Variants in CACNA1C observed in about 807,000 individuals in gnomAD.
CACNA1C encodes the protein calcium voltage-gated channel subunit alpha1 C, also known as voltage-dependent L-type calcium channel subunit alpha-1C.
Under a neutral mutation model 229.0 loss-of-function variants are expected in CACNA1C, and 30 were observed. The ratio of observed to expected loss-of-function variants is 0.13; its 90% CI spans 0.10 to 0.18. The LOEUF is 0.18. Among genes scored for constraint, CACNA1C ranks in the 10% least tolerant of loss-of-function variants. The probability of loss-of-function intolerance (pLI) is 1.00; values close to 1 mark genes in which losing one functional copy is unlikely to be tolerated. For synonymous variants in CACNA1C, 1,114 were observed against 1,132.5 expected (o/e 0.98, Z 0.33); for missense variants, 1,658 against 2,845.0 (o/e 0.58, Z 9.49).
rs1312926276 is a variant in CACNA1C at position 2,275,834 on chromosome 12, T to C, written c.477+155404T>C. Among the ~76,000 whole-genome samples, 13 of 150,652 alleles carry C rather than the reference T, an allele frequency of 8.6e-5. No homozygotes were observed. Among genetic ancestry groups the C allele is most frequent in the South Asian group, 2.1e-4 (1 of 4,818 alleles). The stretch of plus-strand genomic sequence containing the variant: ...TCAGCAGCAGGCCCCCTCTGTTCTT[T>C]GGTGAAGCTTGTCTGCAGCGAGCCC... On this transcript the variant is annotated intron_variant, in intron 3 of 46. Transcript: ENST00000399655. The surrounding 1 kb of genome is among the most constrained non-coding windows in gnomAD (Gnocchi z 4.1).
intron 3 of CACNA1C, among the ~76,000 whole-genome samples, chr12:2,170,064 C>A (rs1053289739): frequency 3.2e-4 from 49 of 152,310 alleles, no homozygotes; most frequent in African/African-American, 1.2e-3. Context: ...TTTTCCACTC[C>A]TTTATCCCCA....
intron 3 of CACNA1C, among the ~76,000 whole-genome samples, chr12:2,176,086 G>C (rs527306807): frequency 6.6e-6 from 1 of 152,256 alleles, no homozygotes; most frequent in Admixed American, 6.5e-5. Context: ...AGCAAAGCAG[G>C]ACAGGGACAT....
rs2058961591 is a variant in CACNA1C, at chr12:2,065,417, T to TC, written c.49+11808dup. ...GAAAACAATTCTAAATAGTTTTTTTTCCTCCAGAATAGGAATGGTTAGTCA... is the reference window on the plus strand; with the variant it reads ...GAAAACAATTCTAAATAGTTTTTTTTCCCTCCAGAATAGGAATGGTTAGTCA... On this transcript the variant is annotated intron_variant, in intron 1 of 46. Transcript: ENST00000399655. Among the ~76,000 whole-genome samples, 3 of 152,214 alleles carry TC rather than the reference T, an allele frequency of 2.0e-5. No homozygotes were observed. In the South Asian group the frequency reaches 6.2e-4, roughly 32 times the overall value.
chr12:2,584,620 A>T lies in CACNA1C; in HGVS notation c.2339+3A>T. ...AAGGAGAGAAAGAAGCTGGCCAGGT[A>T]ACCCTCTAAGCTTGCCCAGGCCTGG... On this transcript the variant is annotated splice_donor_region_variant and intron_variant, in intron 16 of 46. Transcript: ENST00000399655. The T allele has an allele frequency of 7.5e-6, 12 of 1,602,756 alleles. No individual in the cohort carries two copies. Among genetic ancestry groups the T allele is most frequent in the Non-Finnish European group, 1.0e-5 (12 of 1,170,482 alleles).
At chr12:2,017,256 G>A (rs1313004787) in intron 1 of CACNA1C, among the ~76,000 whole-genome samples, 1 of 152,158 alleles carries the variant, frequency 6.6e-6, no homozygotes, top group East Asian at 1.9e-4. Flanking sequence ...CCTGGCACAC[G>A]GGTGGAAAAA....
intron 3 of CACNA1C, among the ~76,000 whole-genome samples, chr12:2,183,113 T>C (rs1260170011): frequency 6.6e-6 from 1 of 152,130 alleles, no homozygotes; most frequent in Non-Finnish European, 1.5e-5. Context: ...CCTCAAACAA[T>C]CCTCCCATCT....
At chr12:2,616,714 T>C (rs577935207) in intron 29 of CACNA1C, among the ~76,000 whole-genome samples, 5 of 152,332 alleles carry the variant, frequency 3.3e-5, no homozygotes, top group Admixed American at 3.3e-4. Context: ...GTGACAGAAA[T>C]CTAACAGCCG....
intron 9 of CACNA1C, among the ~76,000 whole-genome samples, chr12:2,548,386 G>T (rs541688660): frequency 1.5e-3 from 219 of 149,936 alleles, no homozygotes; most frequent in African/African-American, 4.1e-3. Flanking sequence ...AGACTGGGGC[G>T]CTCAAGATGA....
chr12:1,996,662 ACT>A (rs2040993071), intron 1 of CACNA1C, among the ~76,000 whole-genome samples: 1 of 104,034 alleles, frequency 9.6e-6, no homozygotes, highest in African/African-American at 4.1e-5. Flanking sequence ...AAAACAACAA[ACT>A]CTTCTAATGT....
At chr12:2,510,685 A>G (rs1001377306) in intron 8 of CACNA1C, among the ~76,000 whole-genome samples, 2 of 152,012 alleles carry the variant, frequency 1.3e-5, no homozygotes, top group East Asian at 1.9e-4. Flanking sequence ...CAGAACTTGA[A>G]CCCTCTGCAA....
rs1298883065 is a variant in CACNA1C, at chr12:2,512,587, A to G, written c.1218-225A>G. Among the ~76,000 whole-genome samples the G allele has an allele frequency of 6.6e-6, 1 of 152,170 alleles. No individual in the cohort carries two copies. The highest frequency in any genetic ancestry group is 6.5e-5 in the Admixed American group (1 of 15,288). ...AAGCCTCTCCTGGCCAGTGTCAGGA[A>G]TGTCCCCTTACTGACGCTTCCCATC... On this transcript the variant is annotated intron_variant, in intron 8 of 46. Coordinates refer to ENST00000399655, the MANE Select transcript of CACNA1C (RefSeq NM_000719.7). This position sits in a 1 kb window ranked among gnomAD's most constrained non-coding sequence, Gnocchi z 4.3.
intron 3 of CACNA1C, among the ~76,000 whole-genome samples, chr12:2,264,719 TG>T (rs2081655979): frequency 6.6e-6 from 1 of 152,240 alleles, no homozygotes. Context: ...ATCTGCCCAC[TG>T]GCTGATGAAA....
At chr12:2,598,024 GTCACAGTGA>G (rs2069373732) in intron 21 of CACNA1C, among the ~76,000 whole-genome samples, 1 of 152,230 alleles carries the variant, frequency 6.6e-6, no homozygotes, top group East Asian at 1.9e-4. Context: ...TTGGGGCTGT[GTCACAGTGA>G]TCACAGGCCT....
chr12:2,498,396 G>C (rs1002454216), intron 7 of CACNA1C, among the ~76,000 whole-genome samples: 4 of 152,182 alleles, frequency 2.6e-5, no homozygotes, highest in African/African-American at 4.8e-5. Flanking sequence ...ACAGTAAACT[G>C]GCTGTTCAGA....
intron 28 of CACNA1C, 109 bp downstream of exon 28, chr12:2,610,808 C>T (rs1333926054): frequency 6.5e-6 from 7 of 1,073,658 alleles, no homozygotes; most frequent in Admixed American, 4.0e-5. Context: ...TCCTGGTCAC[C>T]AAGGGAGGCA....
intron 3 of CACNA1C, among the ~76,000 whole-genome samples, chr12:2,329,540 GCACATGC>G (rs1314555078): frequency 6.6e-6 from 1 of 152,102 alleles, no homozygotes; most frequent in Non-Finnish European, 1.5e-5. Context: ...ATCCTATTCT[GCACATGC>G]CACATGCTCT....
intron 30 of CACNA1C, among the ~76,000 whole-genome samples, chr12:2,648,086 T>G (rs1268941666): frequency 1.3e-5 from 2 of 152,146 alleles, no homozygotes; most frequent in African/African-American, 4.8e-5. Flanking sequence ...TGCAGTGAGC[T>G]GTGATTATGC....
At chr12:2,502,687 G>A (rs2099763357) in intron 7 of CACNA1C, among the ~76,000 whole-genome samples, 1 of 152,170 alleles carries the variant, frequency 6.6e-6, no homozygotes, top group South Asian at 2.1e-4. Flanking sequence ...CTTCATACCA[G>A]TCAGACTAGC....
At chr12:2,086,511 C>T (rs2067708965) in intron 1 of CACNA1C, among the ~76,000 whole-genome samples, 1 of 152,066 alleles carries the variant, frequency 6.6e-6, no homozygotes, top group Admixed American at 6.5e-5. Context: ...TTCTCTGATC[C>T]TGTATTAGTT....
Sources: allele counts gnomAD v4.1 joint callset (sites outside exome capture counted in the v4.1 genomes callset), GRCh38; gene constraint gnomAD v4.1.1; non-coding constraint Gnocchi (gnomAD v3.1); transcripts MANE v1.5; gene names NCBI Gene and HGNC (gene_info 2026-07-23, HGNC 2026-07-21).